Variants in KIF26B observed in about 807,000 individuals in gnomAD.
KIF26B encodes kinesin family member 26B, also known as kinesin-like protein KIF26B.
In KIF26B, 63 loss-of-function variants were observed where a neutral mutation model predicts 151.2. The ratio of observed to expected loss-of-function variants is 0.42; its 90% CI spans 0.34 to 0.51. The LOEUF (loss-of-function observed/expected upper bound fraction) is 0.51, where lower values mean the gene tolerates loss of function less well. KIF26B is among the 20% of genes least tolerant of loss of function. The pLI is 0.07. For missense variants in KIF26B, 2,813 were observed against 2,913.6 expected, an observed-to-expected ratio of 0.97 and a Z score of 0.79; for synonymous variants, 1,357 against 1,262.1, an observed-to-expected ratio of 1.08 and a Z score of -1.59.
chr1:245,551,019 A>G (rs1480266943), intron 5 of KIF26B, among the ~76,000 whole-genome samples: 1 of 152,154 alleles, frequency 6.6e-6, no homozygotes, highest in East Asian at 1.9e-4. Flanking sequence ...TTGTCCCGTC[A>G]TCATGCATTT....
At chr1:245,210,598 G>T (rs114644895) in intron 2 of KIF26B, among the ~76,000 whole-genome samples, 250 of 150,112 alleles carry the variant, frequency 1.7e-3, no homozygotes, top group African/African-American at 5.8e-3. Flanking sequence ...ACAACATGAA[G>T]TGAGTGAAAA....
At chr1:245,222,919 C>T (rs774867065) in intron 2 of KIF26B, among the ~76,000 whole-genome samples, 4 of 152,176 alleles carry the variant, frequency 2.6e-5, no homozygotes, top group South Asian at 2.1e-4. Context: ...AGAATTTTCT[C>T]GTGAGTACCT....
intron 2 of KIF26B, among the ~76,000 whole-genome samples, chr1:245,295,621 G>A (rs1671323706): frequency 6.6e-6 from 1 of 152,210 alleles, no homozygotes; most frequent in Non-Finnish European, 1.5e-5. Context: ...TGGTGAGCCA[G>A]GAAGGAGGTG....
In KIF26B at chr1:245,603,366, C is replaced by T. The variant is rs186079903; in HGVS notation, c.1557+583C>T. On this transcript the variant is annotated intron_variant, in intron 6 of 14. Coordinates refer to ENST00000407071, the MANE Select transcript of KIF26B (RefSeq NM_018012.4). ...TTGTATTCGCTGAATTGCTGCCTTA[C>T]AAATCACCCTAAAATTCAGTGCTTA... Among the ~76,000 whole-genome samples, 27 of 152,228 alleles carry T rather than the reference C, an allele frequency of 1.8e-4. No homozygotes were observed. The East Asian group carries it at 3.9e-3, about 22-fold the overall frequency.
In KIF26B at chr1:245,234,379, TCACA is replaced by T. The variant is rs576109637; in HGVS notation, c.465+77700_465+77703del. 1.6e-3 allele frequency: 245 copies of T among 152,356 alleles called. 3 individuals carry two copies. The highest frequency in any genetic ancestry group is 5.6e-3 in the African/African-American group (233 of 41,566). 9.4% of individuals were successfully genotyped at this position (152,356 alleles called of 1,614,324 possible). On this transcript the variant is annotated intron_variant, in intron 2 of 14. Coordinates refer to ENST00000407071, the MANE Select transcript of KIF26B (RefSeq NM_018012.4). Reference sequence around the variant, plus strand: ...TACCTCGCACTCACACTCACACACGTCACACACCTGTCAGGGGGCACAGCCCCAG... The same window carrying T: ...TACCTCGCACTCACACTCACACACGTCACCTGTCAGGGGGCACAGCCCCAG...
intron 2 of KIF26B, among the ~76,000 whole-genome samples, chr1:245,344,184 CTCTT>C (rs897776113): frequency 1.3e-5 from 2 of 150,694 alleles, no homozygotes; most frequent in Non-Finnish European, 3.0e-5. Flanking sequence ...CCCTCCCTAT[CTCTT>C]TCTTTCCTTT....
chr1:245,684,140 C>T (rs761835294), intron 10 of KIF26B, 93 bp from the exon 11 acceptor site: 39 of 1,394,538 alleles, frequency 2.8e-5, no homozygotes, highest in Non-Finnish European at 3.5e-5. Flanking sequence ...CCACCACCCA[C>T]AACAAAATGG....
intron 4 of KIF26B, among the ~76,000 whole-genome samples, chr1:245,487,665 A>G (rs1423091122): frequency 6.6e-6 from 1 of 151,972 alleles, no homozygotes. Context: ...CAGTGACACA[A>G]TCTCAGCTCA....
intron 4 of KIF26B, among the ~76,000 whole-genome samples, chr1:245,479,134 G>A (rs982247407): frequency 6.6e-6 from 1 of 151,718 alleles, no homozygotes; most frequent in Non-Finnish European, 1.5e-5. Context: ...AGCCTGGGCT[G>A]CAGATATAAA....
At chr1:245,437,911 C>A (rs995894789) in intron 4 of KIF26B, among the ~76,000 whole-genome samples, 1 of 152,212 alleles carries the variant, frequency 6.6e-6, no homozygotes, top group Non-Finnish European at 1.5e-5. Flanking sequence ...AGTGACTTGT[C>A]TGAAACATAG....
intron 5 of KIF26B, among the ~76,000 whole-genome samples, chr1:245,556,927 C>T (rs905328600): frequency 6.6e-5 from 10 of 152,202 alleles, no homozygotes; most frequent in Admixed American, 5.2e-4. Context: ...TTCCCAGCAG[C>T]GTGGAACTCA....
At chr1:245,411,952 A>G (rs1674297454) in intron 3 of KIF26B, among the ~76,000 whole-genome samples, 1 of 152,010 alleles carries the variant, frequency 6.6e-6, no homozygotes, top group Non-Finnish European at 1.5e-5. Flanking sequence ...GGCGTGATCA[A>G]CTCTACATTA....
chr1:245,434,679 A>G (rs1404133436), intron 4 of KIF26B, among the ~76,000 whole-genome samples: 1 of 152,132 alleles, frequency 6.6e-6, no homozygotes, highest in Non-Finnish European at 1.5e-5. Flanking sequence ...TAAGACTGGC[A>G]GGAGTTGGTG....
In KIF26B at chr1:245,243,676, A is replaced by G. The variant is rs556995844; in HGVS notation, c.465+86993A>G. ...GGTTTATCTAAGAAATACAAACTCC[A>G]TCTGTAATAAAAATACAAAAAAAAA... On this transcript the variant is annotated intron_variant, in intron 2 of 14. Coordinates refer to ENST00000407071, the MANE Select transcript of KIF26B (RefSeq NM_018012.4). Among the ~76,000 whole-genome samples, 11 of 152,156 alleles carry G rather than the reference A, an allele frequency of 7.2e-5. No individual in the cohort carries two copies. In the East Asian group the frequency reaches 2.1e-3, roughly 29 times the overall value.
chr1:245,474,388 G>A (rs967635134), intron 4 of KIF26B, among the ~76,000 whole-genome samples: 5 of 150,098 alleles, frequency 3.3e-5, no homozygotes, highest in African/African-American at 9.8e-5. Context: ...GATTACAGGC[G>A]TGAGCCACTG....
intron 3 of KIF26B, among the ~76,000 whole-genome samples, chr1:245,381,700 C>T (rs1673413377): frequency 6.6e-6 from 1 of 152,174 alleles, no homozygotes. Flanking sequence ...CCCCAAACTG[C>T]AACTCCACAC....
intron 5 of KIF26B, among the ~76,000 whole-genome samples, chr1:245,569,444 C>G (rs1362117768): frequency 2.6e-5 from 4 of 151,892 alleles, no homozygotes; most frequent in African/African-American, 9.7e-5. Flanking sequence ...CTTGTCTCTA[C>G]AAAAAGTACA....
At chr1:245,287,610 G>T (rs754667789) in intron 2 of KIF26B, among the ~76,000 whole-genome samples, 8 of 150,442 alleles carry the variant, frequency 5.3e-5, no homozygotes, top group Non-Finnish European at 8.8e-5. Flanking sequence ...TTCAAGTGAT[G>T]CTCCCGCCTC....
At chr1:245,174,760 A>G (rs1280746025) in intron 2 of KIF26B, among the ~76,000 whole-genome samples, 1 of 152,164 alleles carries the variant, frequency 6.6e-6, no homozygotes, top group Non-Finnish European at 1.5e-5. Flanking sequence ...TGAGCTTAGG[A>G]CAGAGCTGAC....
Sources: gnomAD v4.1 joint callset for allele counts (sites outside exome capture counted in the v4.1 genomes callset) on GRCh38, gnomAD v4.1.1 for gene constraint, MANE v1.5 for transcripts, NCBI Gene and HGNC (gene_info 2026-07-23, HGNC 2026-07-21) for gene names.